Variants in ZNF516 observed in about 807,000 individuals in gnomAD.
The protein encoded by ZNF516 is zinc finger protein 516.
ZNF516 carries 19 observed loss-of-function variants against 79.7 expected under a neutral mutation model. The observed-to-expected ratio is 0.24, with a 90% confidence interval of 0.17 to 0.35. The LOEUF (loss-of-function observed/expected upper bound fraction) is 0.35. Among genes scored for constraint, ZNF516 ranks in the 10% least tolerant of loss-of-function variants. The probability of loss-of-function intolerance (pLI) is 1.00; values close to 1 mark genes in which losing one functional copy is unlikely to be tolerated. For missense variants in ZNF516, 1,678 were observed against 1,679.5 expected, an observed-to-expected ratio of 1.00 and a Z score of 0.02; for synonymous variants, 877 against 739.5, an observed-to-expected ratio of 1.19 and a Z score of -3.02.
intron 2 of ZNF516, among the ~76,000 whole-genome samples, chr18:76,452,476 T>C (rs1912473320): frequency 2.0e-5 from 3 of 152,226 alleles, no homozygotes; most frequent in Non-Finnish European, 4.4e-5. Flanking sequence ...AAGCACAGCC[T>C]TCTCCGGCTC....
In ZNF516 at chr18:76,463,063, A is replaced by G. The variant is rs1034779987; in HGVS notation, c.-193T>C. On this transcript the variant is annotated 5_prime_UTR_variant, in exon 2 of 7. Coordinates refer to ENST00000443185, the MANE Select transcript of ZNF516 (RefSeq NM_014643.4). ...CTGGGAATGTGGAAATGCAATGACA[A>G]CGCTCCCAGTTGGATGCTGGTACTC... 2.6e-5 allele frequency: 4 copies of G among 152,236 alleles called. No individual in the cohort carries two copies. The highest frequency in any genetic ancestry group is 4.4e-5 in the Non-Finnish European group (3 of 68,040). The allele number at this position is 152,236 out of a possible 1,614,324, so 9.4% of individuals were successfully genotyped here. A position where few individuals can be genotyped will look rare whatever the true frequency, so the allele number is the denominator to read the frequency against.
intron 1 of ZNF516, among the ~76,000 whole-genome samples, chr18:76,478,363 G>A (rs537079171): frequency 1.4e-4 from 21 of 152,196 alleles, no homozygotes; most frequent in African/African-American, 4.6e-4. Flanking sequence ...CCTAAGCAAA[G>A]TTAAGAGTTT....
At chr18:76,382,880 T>C (rs1191164336) in intron 3 of ZNF516, among the ~76,000 whole-genome samples, 10 of 152,038 alleles carry the variant, frequency 6.6e-5, no homozygotes, top group Non-Finnish European at 1.3e-4. Flanking sequence ...ACCTCGTCTC[T>C]ACTAAAAATA....
intron 2 of ZNF516, among the ~76,000 whole-genome samples, chr18:76,453,489 A>T (rs542832735): frequency 1.5e-3 from 223 of 152,358 alleles, no homozygotes; most frequent in Non-Finnish European, 7.6e-4. Flanking sequence ...CAATAGTTAA[A>T]GCTAAAGTTG....
chr18:76,490,956 C>T (rs1199539834), intron 1 of ZNF516: 1 of 985,304 alleles, frequency 1.0e-6, no homozygotes, highest in African/African-American at 1.7e-5. Context: ...GTCACACACG[C>T]AGAACACAAA....
intron 1 of ZNF516, among the ~76,000 whole-genome samples, chr18:76,471,519 T>C (rs762846685): frequency 2.4e-4 from 36 of 152,174 alleles, no homozygotes; most frequent in Non-Finnish European, 4.6e-4. Context: ...TTGGGAGGCC[T>C]TTTCCAGTTC....
intron 2 of ZNF516, among the ~76,000 whole-genome samples, chr18:76,458,653 CGTGTGCGTGCCTCACCGTCGT>C (rs1178331508): frequency 1.7e-3 from 213 of 126,992 alleles, no homozygotes; most frequent in African/African-American, 4.7e-3. Context: ...CACCGTCGTG[CGTGTGCGTGCCTCACCGTCGT>C]GTGTGCGTGC....
At chr18:76,484,608 A>G (rs1914723089) in intron 1 of ZNF516, among the ~76,000 whole-genome samples, 1 of 152,190 alleles carries the variant, frequency 6.6e-6, no homozygotes, top group Non-Finnish European at 1.5e-5. Flanking sequence ...AAAATGGTCT[A>G]CTATTCCCCT....
chr18:76,381,720 G>A (rs1176835180), intron 3 of ZNF516, among the ~76,000 whole-genome samples: 1 of 152,228 alleles, frequency 6.6e-6, no homozygotes, highest in Admixed American at 6.5e-5. Context: ...CCGTGTTAAA[G>A]GACTTGTCCA....
intron 2 of ZNF516, among the ~76,000 whole-genome samples, chr18:76,462,736 A>T (rs533365732): frequency 6.6e-6 from 1 of 152,144 alleles, no homozygotes; most frequent in African/African-American, 2.4e-5. Context: ...CCACCCCAGG[A>T]GCACCAAGTT....
At chr18:76,491,059 T>C in intron 1 of ZNF516, 1 of 985,322 alleles carries the variant, frequency 1.0e-6, no homozygotes, top group Non-Finnish European at 1.2e-6. Flanking sequence ...CAGGACCGGT[T>C]CAGGTGTGAA....
Position 76,443,170 on chromosome 18 carries a change from T to A in ZNF516, c.-116A>T. ...AAAAGACGTGCCTGCTCCCAGGAGG[T>A]GCACCTTCTACATGGGGGGCGCAGC... On this transcript the variant is annotated 5_prime_UTR_variant, in exon 3 of 7. Transcript: ENST00000443185. 7.1e-7 allele frequency: 1 copy of A among 1,415,322 alleles called. No homozygotes were observed. The highest frequency in any genetic ancestry group is 2.6e-5 in the East Asian group (1 of 38,566). The allele number at this position is 1,415,322 out of a possible 1,614,324, so 87.7% of individuals were successfully genotyped here. A position where few individuals can be genotyped will look rare whatever the true frequency, so the allele number is the denominator to read the frequency against.
At chr18:76,477,952 T>A (rs1376744474) in intron 1 of ZNF516, among the ~76,000 whole-genome samples, 1 of 152,218 alleles carries the variant, frequency 6.6e-6, no homozygotes, top group African/African-American at 2.4e-5. Flanking sequence ...AATTATTATA[T>A]GTAAATGACC....
At chr18:76,383,940 G>A (rs370301600) in intron 3 of ZNF516, among the ~76,000 whole-genome samples, 11 of 152,288 alleles carry the variant, frequency 7.2e-5, no homozygotes, top group South Asian at 2.1e-4. Flanking sequence ...AGTGGGCCTC[G>A]CAAAGTGCTG....
At chr18:76,408,648 C>A (rs1270119413) in intron 3 of ZNF516, among the ~76,000 whole-genome samples, 2 of 152,182 alleles carry the variant, frequency 1.3e-5, no homozygotes, top group African/African-American at 4.8e-5. Context: ...AGAACATGAC[C>A]GCTAACGACA....
chr18:76,401,468 T>C (rs1464742974), intron 3 of ZNF516, among the ~76,000 whole-genome samples: 2 of 152,152 alleles, frequency 1.3e-5, no homozygotes, highest in Non-Finnish European at 2.9e-5. Context: ...ATTCAAAATT[T>C]TGAAAGCTAA....
At chr18:76,364,735 A>C (rs539891711) in intron 6 of ZNF516, among the ~76,000 whole-genome samples, 1 of 152,314 alleles carries the variant, frequency 6.6e-6, no homozygotes, top group Non-Finnish European at 1.5e-5. Context: ...CTTCAGAGGG[A>C]GGTCAGCCTG....
intron 1 of ZNF516, chr18:76,490,676 A>G (rs1051260964): frequency 1.4e-6 from 1 of 728,174 alleles, no homozygotes; most frequent in African/African-American, 1.9e-5. Flanking sequence ...CAGCTTTTAA[A>G]TTACCTTCAA....
At chr18:76,492,955 G>A (rs1200470363) in intron 1 of ZNF516, 3 of 985,498 alleles carry the variant, frequency 3.0e-6, no homozygotes, top group East Asian at 1.1e-4. Context: ...ACAGTGTGCA[G>A]ACACATGGGC....
Sources: gnomAD v4.1 joint callset for allele counts (sites outside exome capture counted in the v4.1 genomes callset) on GRCh38, gnomAD v4.1.1 for gene constraint, MANE v1.5 for transcripts, NCBI Gene and HGNC (gene_info 2026-07-23, HGNC 2026-07-21) for gene names.